The following FANCB variants were observed in gnomAD, a reference collection of about 807,000 sequenced individuals.
FANCB encodes Fanconi anemia group B protein.
A neutral mutation model predicts 38.9 loss-of-function variants in FANCB; 5 were observed. That is an observed-to-expected ratio of 0.13 (90% CI 0.07 to 0.27). The LOEUF is 0.27. Among genes scored for constraint, FANCB ranks in the 10% least tolerant of loss-of-function variants. The pLI is 1.00. For missense variants in FANCB, 573 were observed against 602.7 expected, an observed-to-expected ratio of 0.95 and a Z score of 0.52; for synonymous variants, 236 against 215.4, an observed-to-expected ratio of 1.10 and a Z score of -0.84.
chrX:14,868,785 GATACACTAAA>G (rs2092481891), intron 2 of FANCB, 128 bp downstream of exon 2: 2 of 111,520 alleles, frequency 1.8e-5, no homozygotes, highest in Admixed American at 1.9e-4. Flanking sequence ...ATGAGGGAAG[GATACACTAAA>G]TACTCTGACT....
chrX:14,864,902 T>G lies in FANCB; in HGVS notation c.609A>C (p.Ser203=), dbSNP rs1206454126. ...EEECTQEPSK[S]DYAIWNTKFC... is the part of the protein sequence containing the mutation. ...ATTTGGTATTCCAAATTGCATAATC[T>G]GATTTTGAAGGCTCTTGAGTACATT... The change falls in exon 3 of 10, where the codon TCA becomes TCC. Residue 203 remains serine, a synonymous_variant. Transcript: ENST00000650831. 3 of 1,207,744 alleles carry G rather than the reference T, an allele frequency of 2.5e-6. No individual in the cohort carries two copies. In the East Asian group the frequency reaches 8.9e-5, roughly 36 times the overall value.
At chrX:14,726,631 T>A in the FANCB span, among the ~76,000 whole-genome samples, 1 of 112,465 alleles carries the variant, frequency 8.9e-6, no homozygotes, top group African/African-American at 3.2e-5. Context: ...GCCCCCACAG[T>A]TTGCATGACG....
intron 10 of FANCB, among the ~76,000 whole-genome samples, chrX:14,837,365 T>C (rs1390462159): frequency 8.9e-6 from 1 of 112,389 alleles, no homozygotes; most frequent in African/African-American, 3.2e-5. Flanking sequence ...TAAAGGGCTA[T>C]TTAGAGAACT....
the FANCB span, among the ~76,000 whole-genome samples, chrX:14,817,407 A>C: frequency 8.9e-6 from 1 of 111,868 alleles, no homozygotes; most frequent in Admixed American, 9.5e-5. Flanking sequence ...CAAGATTATC[A>C]TTATCAGGCT....
chrX:14,697,975 CAA>C, the FANCB span, among the ~76,000 whole-genome samples: 13 of 111,537 alleles, frequency 1.2e-4, no homozygotes, highest in African/African-American at 4.2e-4. Context: ...TTGCCACTAT[CAA>C]AATTGTCCTT....
intron 2 of FANCB, among the ~76,000 whole-genome samples, chrX:14,866,117 G>C (rs970452438): frequency 1.8e-5 from 2 of 111,308 alleles, no homozygotes; most frequent in Admixed American, 1.9e-4. Flanking sequence ...AGACAAAAAA[G>C]AAACCCCAGG....
the FANCB span, among the ~76,000 whole-genome samples, chrX:14,738,517 G>A: frequency 3.3e-3 from 365 of 112,090 alleles, 1 homozygote; most frequent in African/African-American, 0.011. Flanking sequence ...CATTGGTGAA[G>A]GAGGATATGC....
chrX:14,743,605 T>C, the FANCB span, among the ~76,000 whole-genome samples: 1 of 107,977 alleles, frequency 9.3e-6, no homozygotes, highest in Non-Finnish European at 1.9e-5. Flanking sequence ...GCTCTTGTCA[T>C]ATCATTTTAA....
chrX:14,725,142 ATCAAT>A, the FANCB span, among the ~76,000 whole-genome samples: 2 of 112,014 alleles, frequency 1.8e-5, no homozygotes, highest in African/African-American at 6.5e-5. Flanking sequence ...GACTTGAAAG[ATCAAT>A]TCAGTAACAG....
At chrX:14,815,401 C>T in the FANCB span, among the ~76,000 whole-genome samples, 7 of 110,598 alleles carry the variant, frequency 6.3e-5, no homozygotes, top group Admixed American at 6.6e-4. Flanking sequence ...AAAAGAAAAG[C>T]TTCTACACAG....
chrX:14,715,420 A>G, the FANCB span, among the ~76,000 whole-genome samples: 1 of 112,250 alleles, frequency 8.9e-6, no homozygotes, highest in East Asian at 2.8e-4. Flanking sequence ...TATGCATTCA[A>G]TGTAGGAAGA....
chrX:14,802,127 TGTTGAGGGTGGG>T, the FANCB span, among the ~76,000 whole-genome samples: 6 of 109,748 alleles, frequency 5.5e-5, no homozygotes, highest in Non-Finnish European at 1.2e-4. Flanking sequence ...TTTTAAGTGG[TGTTGAGGGTGGG>T]GTTAAGGAAA....
the FANCB span, among the ~76,000 whole-genome samples, chrX:14,740,761 A>G: frequency 9.0e-6 from 1 of 111,730 alleles, no homozygotes; most frequent in Non-Finnish European, 1.9e-5. Flanking sequence ...TACAGGGCTT[A>G]TTCACTCATT....
the FANCB span, among the ~76,000 whole-genome samples, chrX:14,709,370 C>T: frequency 8.9e-6 from 1 of 112,070 alleles, no homozygotes; most frequent in Non-Finnish European, 1.9e-5. Flanking sequence ...ATTATTTTCC[C>T]ATAGTGACCA....
At chrX:14,848,391 A>G (rs1458126922) in intron 7 of FANCB, among the ~76,000 whole-genome samples, 1 of 110,963 alleles carries the variant, frequency 9.0e-6, no homozygotes, top group African/African-American at 3.3e-5. Flanking sequence ...ACCCTTGTAG[A>G]GAGCCTATAA....
chrX:14,757,983 C>A, the FANCB span, among the ~76,000 whole-genome samples: 1 of 111,596 alleles, frequency 9.0e-6, no homozygotes, highest in Non-Finnish European at 1.9e-5. Context: ...TCTGCTCATC[C>A]ACTGACTGGA....
chrX:14,709,264 C>A, the FANCB span, among the ~76,000 whole-genome samples: 1 of 110,960 alleles, frequency 9.0e-6, no homozygotes, highest in Non-Finnish European at 1.9e-5. Context: ...GGCTACAGAC[C>A]CCCCATCATG....
At chrX:14,815,373 TAAAAAAAAA>T in the FANCB span, among the ~76,000 whole-genome samples, 1 of 93,257 alleles carries the variant, frequency 1.1e-5, no homozygotes, top group Admixed American at 1.1e-4. Flanking sequence ...CCATAAAAGG[TAAAAAAAAA>T]AAGAAAAGAA....
intron 7 of FANCB, among the ~76,000 whole-genome samples, chrX:14,849,203 A>T (rs1426611362): frequency 1.8e-5 from 2 of 112,333 alleles, no homozygotes; most frequent in Non-Finnish European, 1.9e-5. Flanking sequence ...ACCAAAGGAT[A>T]GCAAACCAAA....
Sources: gnomAD v4.1 joint callset for allele counts (sites outside exome capture counted in the v4.1 genomes callset) on GRCh38, gnomAD v4.1.1 for gene constraint, MANE v1.5 for transcripts, NCBI Gene and HGNC (gene_info 2026-07-23, HGNC 2026-07-21) for gene names.